PAX5: variants seen among roughly 807,000 people sequenced by gnomAD.
PAX5 encodes paired box protein Pax-5.
PAX5 carries 9 observed loss-of-function variants against 43.7 expected under a neutral mutation model. The ratio of observed to expected loss-of-function variants is 0.21; its 90% CI spans 0.12 to 0.36. The LOEUF (loss-of-function observed/expected upper bound fraction) is 0.36. Ranked by LOEUF, PAX5 falls within the 10% of genes least tolerant of loss-of-function variation. PAX5 has a pLI of 1.00. For missense variants in PAX5, 383 were observed against 532.7 expected (o/e 0.72, Z 2.77); for synonymous variants, 228 against 214.3 (o/e 1.06, Z -0.56).
intron 6 of PAX5, among the ~76,000 whole-genome samples, chr9:36,929,215 G>A (rs1237029927): frequency 6.7e-6 from 1 of 149,504 alleles, no homozygotes; most frequent in Admixed American, 6.7e-5. Context: ...ATGGAAGGAA[G>A]GAAGGAAGAA....
intron 7 of PAX5, among the ~76,000 whole-genome samples, chr9:36,914,744 T>C (rs2131923141): frequency 6.6e-6 from 1 of 152,250 alleles, no homozygotes; most frequent in African/African-American, 2.4e-5. Context: ...AATGCATCCC[T>C]GCTACAGCAC....
At chr9:36,873,387 C>G (rs748409496) in intron 8 of PAX5, among the ~76,000 whole-genome samples, 3 of 152,208 alleles carry the variant, frequency 2.0e-5, no homozygotes, top group Non-Finnish European at 4.4e-5. Context: ...GAATGGCCAC[C>G]TGCATTTCAT....
chr9:36,895,246 G>A (rs1028587242), intron 7 of PAX5, among the ~76,000 whole-genome samples: 1 of 152,250 alleles, frequency 6.6e-6, no homozygotes, highest in African/African-American at 2.4e-5. Flanking sequence ...CCCCATGCCT[G>A]TGTGTGCCGC....
intron 8 of PAX5, among the ~76,000 whole-genome samples, chr9:36,877,728 C>T (rs922897302): frequency 6.6e-6 from 1 of 152,154 alleles, no homozygotes; most frequent in African/African-American, 2.4e-5. Context: ...AGTTCTCAAG[C>T]GTGTTGTGGC....
chr9:36,964,775 A>C (rs2132182102), intron 6 of PAX5, among the ~76,000 whole-genome samples: 1 of 152,198 alleles, frequency 6.6e-6, no homozygotes, highest in East Asian at 1.9e-4. Context: ...TGTGATAGAA[A>C]CAGACTCTCC....
chr9:36,908,570 T>C (rs971564290), intron 7 of PAX5, among the ~76,000 whole-genome samples: 3 of 152,170 alleles, frequency 2.0e-5, no homozygotes, highest in Non-Finnish European at 2.9e-5. Context: ...GATGAGTGAA[T>C]GGGTGATGAA....
chr9:36,929,047 C>T (rs1301335987), intron 6 of PAX5, among the ~76,000 whole-genome samples: 2 of 152,224 alleles, frequency 1.3e-5, no homozygotes, highest in Non-Finnish European at 2.9e-5. Context: ...CACATCATTG[C>T]TGGCTCCTGC....
intron 9 of PAX5, among the ~76,000 whole-genome samples, chr9:36,840,869 G>A (rs1338385416): frequency 1.3e-5 from 2 of 152,130 alleles, no homozygotes; most frequent in African/African-American, 4.8e-5. Flanking sequence ...GGGGCCCTTG[G>A]GTCCAATCCT....
At chr9:36,888,024 A>T (rs1827047917) in intron 7 of PAX5, among the ~76,000 whole-genome samples, 1 of 152,248 alleles carries the variant, frequency 6.6e-6, no homozygotes, top group African/African-American at 2.4e-5. Flanking sequence ...ACATGAAAAG[A>T]TGTTCAACAT....
intron 7 of PAX5, among the ~76,000 whole-genome samples, chr9:36,899,935 G>C (rs1283183171): frequency 1.3e-5 from 2 of 152,194 alleles, no homozygotes; most frequent in African/African-American, 2.4e-5. Flanking sequence ...TTCATTTAAT[G>C]CTGCCTCAAA....
At chr9:37,021,680 C>A (rs1311446699) in intron 1 of PAX5, among the ~76,000 whole-genome samples, 1 of 152,322 alleles carries the variant, frequency 6.6e-6, no homozygotes, top group South Asian at 2.1e-4. Context: ...CTCCTCCACC[C>A]TTCTCTTACA....
At chr9:36,949,093 G>A (rs1193598320) in intron 6 of PAX5, among the ~76,000 whole-genome samples, 33 of 152,108 alleles carry the variant, frequency 2.2e-4, no homozygotes, top group South Asian at 4.2e-4. Flanking sequence ...ACAGAGTCTC[G>A]CTCTGTCGCC....
At chr9:36,938,108 G>C (rs1358032655) in intron 6 of PAX5, among the ~76,000 whole-genome samples, 2 of 152,178 alleles carry the variant, frequency 1.3e-5, no homozygotes, top group Non-Finnish European at 2.9e-5. Context: ...GACAAAACTA[G>C]CACAGCAACG....
At chr9:36,894,014 T>C (rs1397136255) in intron 7 of PAX5, among the ~76,000 whole-genome samples, 1 of 152,198 alleles carries the variant, frequency 6.6e-6, no homozygotes, top group Non-Finnish European at 1.5e-5. Flanking sequence ...AGAGCCCTTG[T>C]GCAGTGCAAG....
chr9:36,967,925 C>T (rs959134481), intron 5 of PAX5, among the ~76,000 whole-genome samples: 2 of 152,154 alleles, frequency 1.3e-5, no homozygotes, highest in Admixed American at 6.5e-5. Flanking sequence ...AGAAATATTA[C>T]GAATTATCAA....
At chr9:37,025,841 T>C (rs567047072) in intron 1 of PAX5, among the ~76,000 whole-genome samples, 1 of 152,320 alleles carries the variant, frequency 6.6e-6, no homozygotes, top group African/African-American at 2.4e-5. Context: ...CTTTTTCGTT[T>C]CTTATCCTCT....
At chr9:37,019,697 G>A (rs932472408) in intron 2 of PAX5, among the ~76,000 whole-genome samples, 3 of 152,152 alleles carry the variant, frequency 2.0e-5, no homozygotes, top group Non-Finnish European at 4.4e-5. Flanking sequence ...TTTCTGACCC[G>A]GGAAAAGAAA....
chr9:36,885,019 T>A (rs1344789641), intron 7 of PAX5, among the ~76,000 whole-genome samples: 1 of 152,166 alleles, frequency 6.6e-6, no homozygotes, highest in African/African-American at 2.4e-5. Flanking sequence ...GCAGGCACAG[T>A]CCCCAGAACC....
chr9:36,927,172 TG>T (rs1830711658), intron 6 of PAX5, among the ~76,000 whole-genome samples: 1 of 151,736 alleles, frequency 6.6e-6, no homozygotes, highest in Non-Finnish European at 1.5e-5. Context: ...AAGGAAGGAG[TG>T]CTCTTCCTAG....
Sources: gnomAD v4.1 joint callset for allele counts (sites outside exome capture counted in the v4.1 genomes callset) on GRCh38, gnomAD v4.1.1 for gene constraint, MANE v1.5 for transcripts, NCBI Gene and HGNC (gene_info 2026-07-23, HGNC 2026-07-21) for gene names.